The following B4GALT6 variants were observed in gnomAD, a reference collection of about 807,000 sequenced individuals.
The protein encoded by B4GALT6 is UDP-Gal:beta-GlcNAc beta-1,4-galactosyltransferase 6.
In B4GALT6, 14 loss-of-function variants were observed where a neutral mutation model predicts 46.3. That is an observed-to-expected ratio of 0.30 (90% confidence interval 0.20 to 0.47). The LOEUF is 0.47. B4GALT6 is among the 20% of genes least tolerant of loss of function. B4GALT6 has a pLI of 0.99. For missense variants in B4GALT6, 386 were observed against 480.1 expected (o/e 0.80, Z 1.83); for synonymous variants, 168 against 162.0 (o/e 1.04, Z -0.28).
intron 1 of B4GALT6, 31 bp downstream of exon 1, chr18:31,684,281 A>G: frequency 6.2e-7 from 1 of 1,612,222 alleles, no homozygotes; most frequent in African/African-American, 1.3e-5. Context: ...TGGTGTGACC[A>G]GGGGAAGCGA....
Position 31,666,313 on chromosome 18 carries a change from T to A in B4GALT6, c.175A>T (p.Thr59Ser). ...RGIMLRENVK[T>S]IGHMIRLYTN... ...TACAGCCTGATCATATGACCTATTG[T>A]TTTCACATTTTCTCTCAACATTATA... is the stretch of plus-strand genomic sequence containing the variant. Residue 59 changes from threonine to serine, a missense_variant, in exon 2 of 9, where the codon ACA (threonine) becomes TCA (serine). Thr to Ser is a moderately conservative substitution (Grantham distance 58). Around this residue, in one of 2 missense-constraint regions of B4GALT6, gnomAD observed 323 missense variants for 438.9 expected, o/e 0.74. Transcript: ENST00000306851. 1 of 1,610,706 alleles carries A rather than the reference T, an allele frequency of 6.2e-7. No homozygotes were observed. The highest frequency in any genetic ancestry group is 8.5e-7 in the Non-Finnish European group (1 of 1,178,278).
chr18:31,688,672 A>G (rs1007555599), upstream of B4GALT6, among the ~76,000 whole-genome samples: 1 of 152,160 alleles, frequency 6.6e-6, no homozygotes, highest in African/African-American at 2.4e-5. Flanking sequence ...AAGCATTCCA[A>G]CCACTTTGAT....
At chr18:31,697,005 A>G in the B4GALT6 span, among the ~76,000 whole-genome samples, 7 of 152,172 alleles carry the variant, frequency 4.6e-5, no homozygotes, top group Admixed American at 4.6e-4. Context: ...GGTGGCTCAC[A>G]CCTGTAATCC....
the B4GALT6 span, among the ~76,000 whole-genome samples, chr18:31,717,985 A>G: frequency 4.0e-5 from 6 of 151,380 alleles, no homozygotes; most frequent in African/African-American, 1.5e-4. Context: ...TTATATATTG[A>G]TATGGGTATG....
At chr18:31,629,849 CAA>C (rs1192136047) in intron 6 of B4GALT6, among the ~76,000 whole-genome samples, 36 of 60,044 alleles carry the variant, frequency 6.0e-4, no homozygotes, top group Admixed American at 4.0e-4. Flanking sequence ...GACTCTGTCT[CAA>C]AAAAAAAAAA....
Position 31,627,009 on chromosome 18 carries a change from G to A in B4GALT6, c.889C>T (p.Leu297Phe). 1.9e-6 allele frequency: 3 copies of A among 1,609,338 alleles called. No individual in the cohort carries two copies. The highest frequency in any genetic ancestry group is 2.5e-6 in the Non-Finnish European group (3 of 1,178,486). Residue 297 changes from leucine to phenylalanine, a missense_variant, in exon 7 of 9, where the codon CTT (leucine) becomes TTT (phenylalanine). By Grantham distance (22) the Leu-to-Phe change is conservative. Around this residue, in one of 2 missense-constraint regions of B4GALT6, gnomAD observed 323 missense variants for 438.9 expected, o/e 0.74. Transcript: ENST00000306851. ...TGTACCTCAACATACCTGTTCCAAAGGTCATCATCTTCTCCTCCCCATCCC... is the reference window on the plus strand; with the variant it reads ...TGTACCTCAACATACCTGTTCCAAAAGTCATCATCTTCTCCTCCCCATCCC... ...FWGWGGEDDD[L>F]WNRVHYAGYN...
At chr18:31,666,184 G>A in intron 2 of B4GALT6, 72 bp downstream of exon 2, 2 of 807,138 alleles carry the variant, frequency 2.5e-6, no homozygotes, top group Non-Finnish European at 3.9e-6. Flanking sequence ...GTTACCTGAA[G>A]GCAAAACAGA....
At chr18:31,666,442 C>A (rs369471947) in intron 1 of B4GALT6, 70 bp from the exon 2 acceptor site, 1 of 661,118 alleles carries the variant, frequency 1.5e-6, no homozygotes, top group Non-Finnish European at 2.4e-6. Context: ...AAATAATATT[C>A]AGAATTGGGG....
chr18:31,626,430 G>C, intron 7 of B4GALT6, 46 bp from the exon 8 acceptor site: 1 of 1,127,240 alleles, frequency 8.9e-7, no homozygotes, highest in South Asian at 1.4e-5. Flanking sequence ...AATAAAATAT[G>C]AAAATGGGTT....
chr18:31,702,203 C>T, the B4GALT6 span, among the ~76,000 whole-genome samples: 1 of 152,194 alleles, frequency 6.6e-6, no homozygotes, highest in Non-Finnish European at 1.5e-5. Context: ...ATACAGACCT[C>T]TAAGTGGCAC....
chr18:31,667,394 C>G (rs557559697), intron 1 of B4GALT6, among the ~76,000 whole-genome samples: 2 of 152,264 alleles, frequency 1.3e-5, no homozygotes, highest in South Asian at 4.1e-4. Flanking sequence ...TAAGCTGTCT[C>G]TGAATACAGT....
chr18:31,634,308 T>C (rs2073829854), intron 5 of B4GALT6, among the ~76,000 whole-genome samples: 1 of 152,226 alleles, frequency 6.6e-6, no homozygotes, highest in Admixed American at 6.5e-5. Context: ...AACAGAGTAA[T>C]GACCTGGCAG....
chr18:31,710,067 C>G, the B4GALT6 span, among the ~76,000 whole-genome samples: 3 of 150,304 alleles, frequency 2.0e-5, no homozygotes, highest in Admixed American at 6.6e-5. Context: ...TGCACTCCAG[C>G]CTAGATGACA....
At chr18:31,700,342 G>C in the B4GALT6 span, among the ~76,000 whole-genome samples, 1 of 151,998 alleles carries the variant, frequency 6.6e-6, no homozygotes, top group Non-Finnish European at 1.5e-5. Context: ...CAAGCATGTA[G>C]ATCTAACTAA....
At chr18:31,684,967 T>A (rs1567987817), upstream of B4GALT6, among the ~76,000 whole-genome samples, 1 of 147,388 alleles carries the variant, frequency 6.8e-6, no homozygotes, top group Non-Finnish European at 1.5e-5. Flanking sequence ...CGGCGTCTCC[T>A]GCCTGCGCGG....
At chr18:31,697,419 G>A in the B4GALT6 span, among the ~76,000 whole-genome samples, 1 of 145,678 alleles carries the variant, frequency 6.9e-6, no homozygotes, top group African/African-American at 2.5e-5. Context: ...AGGGGGTTGA[G>A]GTACAGAGGT....
At chr18:31,643,261 C>T (rs1216430638) in intron 4 of B4GALT6, among the ~76,000 whole-genome samples, 2 of 152,110 alleles carry the variant, frequency 1.3e-5, no homozygotes, top group African/African-American at 4.8e-5. Context: ...GAAGGATTTG[C>T]TAAAAGTTGA....
intron 4 of B4GALT6, among the ~76,000 whole-genome samples, chr18:31,643,459 C>T (rs540715534): frequency 5.9e-5 from 9 of 152,056 alleles, no homozygotes; most frequent in Admixed American, 1.3e-4. Flanking sequence ...CCACCATGCC[C>T]GGCTAATTTT....
chr18:31,697,880 T>A, the B4GALT6 span, among the ~76,000 whole-genome samples: 74 of 152,384 alleles, frequency 4.9e-4, no homozygotes, highest in African/African-American at 1.5e-3. Flanking sequence ...CGTTTGTAGA[T>A]AATTTTCTAT....
Sources: allele counts gnomAD v4.1 joint callset (sites outside exome capture counted in the v4.1 genomes callset), GRCh38; gene constraint gnomAD v4.1.1; regional missense constraint gnomAD v4.1.1; transcripts MANE v1.5; gene names NCBI Gene and HGNC (gene_info 2026-07-23, HGNC 2026-07-21).